The following NLGN1 variants were observed in gnomAD, a reference collection of about 807,000 sequenced individuals.
NLGN1 encodes neuroligin 1, also known as neuroligin-1.
NLGN1 carries 12 observed loss-of-function variants against 65.5 expected under a neutral mutation model. The observed-to-expected ratio is 0.18, with a 90% confidence interval of 0.12 to 0.30. The LOEUF (loss-of-function observed/expected upper bound fraction) is 0.30. Ranked by LOEUF, NLGN1 falls within the 10% of genes least tolerant of loss-of-function variation. NLGN1 has a pLI of 1.00. For missense variants in NLGN1, 750 were observed against 1,007.1 expected (o/e 0.74, Z 3.46); for synonymous variants, 350 against 359.5 (o/e 0.97, Z 0.30).
At chr3:174,125,966 T>C (rs1221797768) in intron 4 of NLGN1, among the ~76,000 whole-genome samples, 1 of 152,096 alleles carries the variant, frequency 6.6e-6, no homozygotes, top group African/African-American at 2.4e-5. Flanking sequence ...ATGCAAGACC[T>C]TTTACATCTA....
intron 4 of NLGN1, among the ~76,000 whole-genome samples, chr3:173,809,757 T>C (rs1717486343): frequency 6.6e-6 from 1 of 152,216 alleles, no homozygotes; most frequent in African/African-American, 2.4e-5. Context: ...CCTATATTCA[T>C]GCCCATACCC....
intron 3 of NLGN1, among the ~76,000 whole-genome samples, chr3:173,690,322 T>C (rs1765288344): frequency 6.6e-6 from 1 of 152,182 alleles, no homozygotes. Context: ...TGTTTCTCAT[T>C]CCTAGGATGC....
chr3:173,482,793 T>G (rs1468936709), intron 2 of NLGN1, among the ~76,000 whole-genome samples: 1 of 151,968 alleles, frequency 6.6e-6, no homozygotes, highest in Non-Finnish European at 1.5e-5. Context: ...AAGAACACTC[T>G]AATTTCCTGA....
chr3:173,724,298 C>T (rs528239246), intron 3 of NLGN1, among the ~76,000 whole-genome samples: 17 of 152,262 alleles, frequency 1.1e-4, no homozygotes, highest in South Asian at 2.1e-4. Flanking sequence ...TTTTTTGAGA[C>T]GGAGTCTCGC....
At chr3:173,973,402 A>G (rs1246930778) in intron 4 of NLGN1, among the ~76,000 whole-genome samples, 1 of 152,084 alleles carries the variant, frequency 6.6e-6, no homozygotes, top group Non-Finnish European at 1.5e-5. Flanking sequence ...GCATAAGGCT[A>G]TTTTGATGAA....
chr3:173,422,831 G>T (rs1715342610), intron 1 of NLGN1, among the ~76,000 whole-genome samples: 1 of 152,192 alleles, frequency 6.6e-6, no homozygotes, highest in South Asian at 2.1e-4. Flanking sequence ...TTGCTGTTGA[G>T]TTGAGGTTGT....
intron 4 of NLGN1, among the ~76,000 whole-genome samples, chr3:173,967,492 T>C (rs992040399): frequency 2.0e-5 from 3 of 152,222 alleles, no homozygotes; most frequent in African/African-American, 7.2e-5. Context: ...TCAAAATCTA[T>C]CCCTTAGTGT....
intron 4 of NLGN1, among the ~76,000 whole-genome samples, chr3:174,206,470 C>T (rs539811907): frequency 3.0e-4 from 45 of 149,042 alleles, no homozygotes; most frequent in African/African-American, 1.1e-3. Context: ...AGCCCACCCC[C>T]TCTTATTTGC....
chr3:173,506,949 A>G (rs1732127496), intron 2 of NLGN1, among the ~76,000 whole-genome samples: 1 of 152,146 alleles, frequency 6.6e-6, no homozygotes, highest in Non-Finnish European at 1.5e-5. Context: ...CAGTTGTAAC[A>G]CTTGGTTTTT....
intron 4 of NLGN1, among the ~76,000 whole-genome samples, chr3:174,000,400 G>A (rs1275636605): frequency 6.6e-6 from 1 of 151,920 alleles, no homozygotes; most frequent in African/African-American, 2.4e-5. Context: ...AAATTCAACT[G>A]GCATAAACAA....
At chr3:173,649,848 G>A (rs1300466003) in intron 3 of NLGN1, among the ~76,000 whole-genome samples, 1 of 151,938 alleles carries the variant, frequency 6.6e-6, no homozygotes, top group African/African-American at 2.4e-5. Context: ...AGAAAACTGT[G>A]TTCAAATTAC....
chr3:173,538,746 C>G (rs142558525), intron 2 of NLGN1, among the ~76,000 whole-genome samples: 116 of 152,254 alleles, frequency 7.6e-4, no homozygotes, highest in Middle Eastern at 3.4e-3. Context: ...ACCTTCAACC[C>G]TAGGTAATTG....
chr3:174,272,704 TAG>T (rs1276266201), intron 4 of NLGN1, among the ~76,000 whole-genome samples: 1 of 150,452 alleles, frequency 6.6e-6, no homozygotes. Context: ...GATAGATAGA[TAG>T]ATATAGATAG....
intron 4 of NLGN1, among the ~76,000 whole-genome samples, chr3:174,076,091 G>A (rs912700865): frequency 5.3e-5 from 8 of 152,076 alleles, no homozygotes; most frequent in Non-Finnish European, 8.8e-5. Flanking sequence ...TCAAATATAT[G>A]TGATATTCTG....
intron 4 of NLGN1, among the ~76,000 whole-genome samples, chr3:173,812,406 A>C (rs547349439): frequency 4.7e-4 from 72 of 152,206 alleles, no homozygotes; most frequent in Non-Finnish European, 9.7e-4. Flanking sequence ...ATAATGCTTC[A>C]AGTATTATTA....
At chr3:173,946,626 A>G (rs542596652) in intron 4 of NLGN1, among the ~76,000 whole-genome samples, 4 of 152,260 alleles carry the variant, frequency 2.6e-5, no homozygotes, top group South Asian at 2.1e-4. Flanking sequence ...ATCAAACACT[A>G]TGTACATGTT....
At chr3:173,935,367 C>A (rs1744856380) in intron 4 of NLGN1, among the ~76,000 whole-genome samples, 2 of 151,950 alleles carry the variant, frequency 1.3e-5, no homozygotes, top group South Asian at 4.1e-4. Flanking sequence ...TGGTTAAAAT[C>A]TTGTAATGAG....
At chr3:173,944,957 G>A (rs538247429) in intron 4 of NLGN1, among the ~76,000 whole-genome samples, 2 of 152,148 alleles carry the variant, frequency 1.3e-5, no homozygotes, top group South Asian at 2.1e-4. Context: ...CTTTATATTT[G>A]ACAAACTTTG....
chr3:174,277,312 C>G (rs1312024277), intron 5 of NLGN1, among the ~76,000 whole-genome samples: 1 of 151,822 alleles, frequency 6.6e-6, no homozygotes, highest in Non-Finnish European at 1.5e-5. Context: ...ATGAGTCAAC[C>G]CCATCTTGCA....
Sources: allele counts gnomAD v4.1 joint callset (sites outside exome capture counted in the v4.1 genomes callset), GRCh38; gene constraint gnomAD v4.1.1; transcripts MANE v1.5; gene names NCBI Gene and HGNC (gene_info 2026-07-23, HGNC 2026-07-21).